Variants in CNTNAP5 observed in about 807,000 individuals in gnomAD.
The protein encoded by CNTNAP5 is contactin associated protein family member 5.
A neutral mutation model predicts 150.2 loss-of-function variants in CNTNAP5; 72 were observed. That is an observed-to-expected ratio of 0.48 (90% confidence interval 0.40 to 0.58). CNTNAP5 has a LOEUF of 0.58. Among genes scored for constraint, CNTNAP5 ranks in the 20% least tolerant of loss-of-function variants. CNTNAP5 has a pLI of 0.00. For missense variants in CNTNAP5, 1,636 were observed against 1,626.2 expected, an observed-to-expected ratio of 1.01 and a Z score of -0.10; for synonymous variants, 672 against 619.8, an observed-to-expected ratio of 1.08 and a Z score of -1.25.
intron 13 of CNTNAP5, among the ~76,000 whole-genome samples, chr2:124,704,008 T>G (rs1679580236): frequency 6.6e-6 from 1 of 152,210 alleles, no homozygotes; most frequent in South Asian, 2.1e-4. Context: ...ATCCATGAAT[T>G]TTGGTAGCTG....
intron 3 of CNTNAP5, among the ~76,000 whole-genome samples, chr2:124,415,920 C>CA (rs1200900753): frequency 6.6e-6 from 1 of 152,054 alleles, no homozygotes; most frequent in Non-Finnish European, 1.5e-5. Flanking sequence ...AAAAACCCCC[C>CA]AATAATTTTC....
At chr2:124,553,136 C>T (rs1220442341) in intron 10 of CNTNAP5, among the ~76,000 whole-genome samples, 1 of 152,178 alleles carries the variant, frequency 6.6e-6, no homozygotes, top group Non-Finnish European at 1.5e-5. Context: ...CAATGTTCTT[C>T]ATATGCTGCA....
In CNTNAP5 at chr2:124,916,629, C is replaced by G. The variant is rs1026639433; in HGVS notation, c.*2341C>G. On this transcript the variant is annotated 3_prime_UTR_variant, in exon 24 of 24. Coordinates refer to ENST00000682447, the MANE Select transcript of CNTNAP5 (RefSeq NM_001367498.1). ...AGAAATGGAGACTAGCAAAGGCTAA[C>G]TCAGAGTATTTGATTTTCTCATCTA... is the stretch of plus-strand genomic sequence containing the variant. 5.3e-5 allele frequency among the ~76,000 whole-genome samples: 8 copies of G among 152,074 alleles called. No individual in the cohort carries two copies. The highest frequency in any genetic ancestry group is 5.3e-4 in the Admixed American group (8 of 15,232).
chr2:124,559,217 G>T (rs1051886167), intron 10 of CNTNAP5, among the ~76,000 whole-genome samples: 1 of 152,108 alleles, frequency 6.6e-6, no homozygotes, highest in African/African-American at 2.4e-5. Context: ...TCTTTTGGAA[G>T]AATTTTTTAT....
rs1010308551 is a variant in CNTNAP5, at chr2:124,265,618, G to A, written c.381+23225G>A. Among the ~76,000 whole-genome samples, 7 of 152,236 alleles carry A rather than the reference G, an allele frequency of 4.6e-5. No individual in the cohort carries two copies. In the South Asian group the frequency reaches 1.0e-3, roughly 23 times the overall value. ...CCTGGCAGAGATTACAGCAAGTTACGGAAGAGAGAAGGCCCTCTGGCAAGG... is the reference window on the plus strand; with the variant it reads ...CCTGGCAGAGATTACAGCAAGTTACAGAAGAGAGAAGGCCCTCTGGCAAGG... On this transcript the variant is annotated intron_variant, in intron 3 of 23. Transcript: ENST00000682447.
In CNTNAP5 at chr2:124,630,434, A is replaced by C. The variant is rs1677828673; in HGVS notation, c.1877-17324A>C. On this transcript the variant is annotated intron_variant, in intron 12 of 23. Transcript: ENST00000682447. ...CTTGTTCAACATACACAAATCAATA[A>C]ATGTAATTCATCACATAAACAGAAC... 2.0e-5 allele frequency among the ~76,000 whole-genome samples: 3 copies of C among 152,324 alleles called. No individual in the cohort carries two copies. In the South Asian group the frequency reaches 6.2e-4, roughly 32 times the overall value.
At chr2:124,123,379 C>T (rs889920352) in intron 1 of CNTNAP5, among the ~76,000 whole-genome samples, 3 of 152,110 alleles carry the variant, frequency 2.0e-5, no homozygotes, top group African/African-American at 7.2e-5. Context: ...ATTGCTGAGG[C>T]TTGAGTAGGT....
Position 124,700,642 on chromosome 2 carries a change from T to C in CNTNAP5, c.2078-46587T>C, listed in dbSNP as rs569816939. 3.3e-5 allele frequency among the ~76,000 whole-genome samples: 5 copies of C among 152,226 alleles called. No homozygotes were observed. The South Asian group carries it at 8.3e-4, about 25-fold the overall frequency. On this transcript the variant is annotated intron_variant, in intron 13 of 23. Transcript: ENST00000682447. ...TCCTTTCATGGTAAAGGATTTGTCA[T>C]TTTATTTAAATTGCATTACTTTTCT...
intron 1 of CNTNAP5, among the ~76,000 whole-genome samples, chr2:124,169,644 C>T (rs1451096022): frequency 1.3e-5 from 2 of 152,174 alleles, no homozygotes; most frequent in African/African-American, 2.4e-5. Context: ...AGAACCCTAT[C>T]CTGTTGGATT....
intron 13 of CNTNAP5, among the ~76,000 whole-genome samples, chr2:124,648,996 G>A (rs752718251): frequency 6.6e-6 from 1 of 152,176 alleles, no homozygotes; most frequent in Non-Finnish European, 1.5e-5. Flanking sequence ...AGGATCTTCA[G>A]GGAAGACGTT....
rs189529105 is a variant in CNTNAP5, at chr2:124,691,109, A to G, written c.2077+43151A>G. ...AACTGTGCAGAAAGATGATTGGACGAGAAGGCTATGATCTAATGCAAACAG... is the reference window on the plus strand; with the variant it reads ...AACTGTGCAGAAAGATGATTGGACGGGAAGGCTATGATCTAATGCAAACAG... On this transcript the variant is annotated intron_variant, in intron 13 of 23. Transcript: ENST00000682447. 2.5e-3 allele frequency among the ~76,000 whole-genome samples: 386 copies of G among 152,266 alleles called. 1 individual carries two copies. The highest frequency in any genetic ancestry group is 8.9e-3 in the African/African-American group (369 of 41,554).
chr2:124,638,359 A>G (rs1678016285), intron 12 of CNTNAP5, among the ~76,000 whole-genome samples: 1 of 152,104 alleles, frequency 6.6e-6, no homozygotes, highest in Non-Finnish European at 1.5e-5. Context: ...ATCAATAACA[A>G]TGTAAAGTTA....
intron 3 of CNTNAP5, among the ~76,000 whole-genome samples, chr2:124,338,934 T>A (rs1689541301): frequency 6.6e-6 from 1 of 152,112 alleles, no homozygotes; most frequent in Non-Finnish European, 1.5e-5. Flanking sequence ...ATGAATAATG[T>A]CAAAAGAAGA....
chr2:124,504,607 A>G, intron 8 of CNTNAP5, 51 bp downstream of exon 8: 1 of 1,577,678 alleles, frequency 6.3e-7, no homozygotes, highest in Non-Finnish European at 8.7e-7. Context: ...CAAGTCGACA[A>G]AGGTTGAGGT....
intron 1 of CNTNAP5, among the ~76,000 whole-genome samples, chr2:124,035,411 T>C (rs533844089): frequency 1.3e-5 from 2 of 148,970 alleles, no homozygotes; most frequent in South Asian, 2.2e-4. Flanking sequence ...CCTTTCTATC[T>C]TCTTCCTCTC....
intron 3 of CNTNAP5, among the ~76,000 whole-genome samples, chr2:124,287,700 A>G (rs1688188573): frequency 6.6e-6 from 1 of 152,164 alleles, no homozygotes; most frequent in Non-Finnish European, 1.5e-5. Context: ...ATTCTCATCT[A>G]AGAGCCTAGA....
chr2:124,714,154 T>C (rs1679897139), intron 13 of CNTNAP5, among the ~76,000 whole-genome samples: 1 of 152,134 alleles, frequency 6.6e-6, no homozygotes. Flanking sequence ...GAAATACTTG[T>C]TTGCCTTCTC....
chr2:124,631,104 G>A (rs907693935), intron 12 of CNTNAP5, among the ~76,000 whole-genome samples: 7 of 152,118 alleles, frequency 4.6e-5, no homozygotes, highest in African/African-American at 1.7e-4. Context: ...AACACTACAT[G>A]CTCATGGATA....
chr2:124,271,693 CT>C (rs1463806078), intron 3 of CNTNAP5, among the ~76,000 whole-genome samples: 1,886 of 117,100 alleles, frequency 0.016, 32 homozygotes, highest in African/African-American at 0.056. Context: ...ATCTATCTAT[CT>C]ATCTATCATC....
Sources: gnomAD v4.1 joint callset for allele counts (sites outside exome capture counted in the v4.1 genomes callset) on GRCh38, gnomAD v4.1.1 for gene constraint, MANE v1.5 for transcripts, NCBI Gene and HGNC (gene_info 2026-07-23, HGNC 2026-07-21) for gene names.